Variants in XKR4 observed in about 807,000 individuals in gnomAD.
XKR4 encodes the protein XK related 4, also known as XK-related protein 4.
Under a neutral mutation model 53.9 loss-of-function variants are expected in XKR4, and 12 were observed. The ratio of observed to expected loss-of-function variants is 0.22; its 90% CI spans 0.14 to 0.36. The LOEUF is 0.36. Ranked by LOEUF, XKR4 falls within the 10% of genes least tolerant of loss-of-function variation. The probability of loss-of-function intolerance (pLI) is 1.00; values close to 1 mark genes in which losing one functional copy is unlikely to be tolerated. For missense variants in XKR4, 799 were observed against 859.5 expected, an observed-to-expected ratio of 0.93 and a Z score of 0.88; for synonymous variants, 354 against 362.4, an observed-to-expected ratio of 0.98 and a Z score of 0.26.
chr8:55,429,746 A>C (rs771391923), intron 2 of XKR4, among the ~76,000 whole-genome samples: 2 of 150,854 alleles, frequency 1.3e-5, no homozygotes, highest in Non-Finnish European at 2.9e-5. Flanking sequence ...AAAAAAAAAG[A>C]AAAGAAAAAG....
At chr8:55,141,092 ACT>A (rs1477271909) in intron 1 of XKR4, among the ~76,000 whole-genome samples, 1 of 152,050 alleles carries the variant, frequency 6.6e-6, no homozygotes, top group African/African-American at 2.4e-5. Context: ...CACAGAAGAA[ACT>A]CTGTACCCAT....
At chr8:55,396,326 G>T (rs1804516772) in intron 2 of XKR4, among the ~76,000 whole-genome samples, 2 of 151,622 alleles carry the variant, frequency 1.3e-5, no homozygotes, top group Non-Finnish European at 2.9e-5. Context: ...ACCTGGACTG[G>T]GTAGATGCCC....
At chr8:55,423,063 C>G (rs1804959305) in intron 2 of XKR4, among the ~76,000 whole-genome samples, 1 of 151,894 alleles carries the variant, frequency 6.6e-6, no homozygotes. Flanking sequence ...AACAACAACA[C>G]ACATCTTGAA....
chr8:55,450,242 G>A lies in XKR4; in HGVS notation c.1007-73039G>A, dbSNP rs1007967987. 1.1e-5 allele frequency: 7 copies of A among 653,594 alleles called. No homozygotes were observed. The African/African-American group carries it at 1.1e-4, about 10-fold the overall frequency. 40.5% of individuals were successfully genotyped at this position (653,594 alleles called of 1,614,324 possible). ...CTCTGGGGAGCGCCTCCGTCAAACC[G>A]TTCTTCCTCAGGGGCTCAGGGGGTT... On this transcript the variant is annotated intron_variant, in intron 2 of 2. Transcript: ENST00000327381.
At chr8:55,423,375 G>A (rs945218192) in intron 2 of XKR4, among the ~76,000 whole-genome samples, 2 of 152,078 alleles carry the variant, frequency 1.3e-5, no homozygotes, top group African/African-American at 2.4e-5. Context: ...GATTATAGGC[G>A]TGAGCCACCG....
chr8:55,359,410 A>T (rs1489477060), intron 2 of XKR4, among the ~76,000 whole-genome samples: 1 of 152,248 alleles, frequency 6.6e-6, no homozygotes, highest in Non-Finnish European at 1.5e-5. Context: ...CTTTGAATCA[A>T]TGAATTCCCA....
chr8:55,299,848 C>G (rs1452147013), intron 1 of XKR4, among the ~76,000 whole-genome samples: 1 of 152,048 alleles, frequency 6.6e-6, no homozygotes, highest in African/African-American at 2.4e-5. Flanking sequence ...CATTCGAGGT[C>G]TCTGTGGGAC....
At chr8:55,106,467 T>C (rs1226024561) in intron 1 of XKR4, among the ~76,000 whole-genome samples, 1 of 152,188 alleles carries the variant, frequency 6.6e-6, no homozygotes, top group Admixed American at 6.5e-5. Flanking sequence ...AGAGCAATTA[T>C]GACTTTAAAG....
At position 55,114,994 on chromosome 8, in the gene XKR4, C is replaced by T. The variant is rs987910805; in HGVS notation, c.806+11700C>T. On this transcript the variant is annotated intron_variant, in intron 1 of 2. Coordinates refer to ENST00000327381, the MANE Select transcript of XKR4 (RefSeq NM_052898.2). ...CCCCCTAAATCTCTTTGTGATGATG[C>T]GCCAAGGACAGAGCTGTGGGCTTGT... Among the ~76,000 whole-genome samples the T allele has an allele frequency of 3.9e-5, 6 of 152,142 alleles. No individual in the cohort carries two copies. In the South Asian group the frequency reaches 6.2e-4, roughly 16 times the overall value.
Position 55,224,813 on chromosome 8 carries a change from T to C in XKR4, c.806+121519T>C, listed in dbSNP as rs1479626100. On this transcript the variant is annotated intron_variant, in intron 1 of 2. Coordinates refer to ENST00000327381, the MANE Select transcript of XKR4 (RefSeq NM_052898.2). Reference sequence around the variant, plus strand: ...GGTAAACATTTTGGAAAATGCTAGATTATATTATCTAAATGTTGCTTTATG... The same window carrying C: ...GGTAAACATTTTGGAAAATGCTAGACTATATTATCTAAATGTTGCTTTATG... Among the ~76,000 whole-genome samples, 4 of 152,210 alleles carry C rather than the reference T, an allele frequency of 2.6e-5. No homozygotes were observed. In the East Asian group the frequency reaches 7.7e-4, roughly 29 times the overall value.
chr8:55,254,167 G>C (rs1818402739), intron 1 of XKR4, among the ~76,000 whole-genome samples: 1 of 151,916 alleles, frequency 6.6e-6, no homozygotes, highest in African/African-American at 2.4e-5. Flanking sequence ...TTCTTATGTT[G>C]TGTCAAAAAG....
intron 1 of XKR4, chr8:55,142,284 G>A: frequency 2.3e-6 from 1 of 435,092 alleles, no homozygotes; most frequent in Non-Finnish European, 4.6e-6. Flanking sequence ...TCCTGGATAA[G>A]GAAAGGGTAT....
intron 2 of XKR4, among the ~76,000 whole-genome samples, chr8:55,358,139 T>C (rs1467761021): frequency 6.6e-6 from 1 of 152,202 alleles, no homozygotes. Flanking sequence ...ACTTGGTCGA[T>C]GTGGGGATAG....
chr8:55,345,595 G>A (rs1383947870), intron 1 of XKR4, among the ~76,000 whole-genome samples: 1 of 152,180 alleles, frequency 6.6e-6, no homozygotes, highest in African/African-American at 2.4e-5. Flanking sequence ...AAATTAAAGT[G>A]TGCTTAAAAA....
chr8:55,452,317 G>A lies in XKR4; in HGVS notation c.1007-70964G>A, dbSNP rs75978126. 2,121 of 640,528 alleles carry A rather than the reference G, an allele frequency of 3.3e-3. 30 individuals carry two copies. In the African/African-American group the frequency reaches 0.036, roughly 11 times the overall value. 39.7% of individuals were successfully genotyped at this position (640,528 alleles called of 1,614,324 possible). Reference sequence around the variant, plus strand: ...TTCTCCTTGGTCAGCGCGGCCACCGGGAAGGAGCGGAACACCACCTTCTCC... The same window carrying A: ...TTCTCCTTGGTCAGCGCGGCCACCGAGAAGGAGCGGAACACCACCTTCTCC... On this transcript the variant is annotated intron_variant, in intron 2 of 2. Transcript: ENST00000327381.
At chr8:55,414,610 TCCAGC>T (rs1317493713) in intron 2 of XKR4, among the ~76,000 whole-genome samples, 1 of 151,432 alleles carries the variant, frequency 6.6e-6, no homozygotes, top group African/African-American at 2.4e-5. Context: ...TCTATTTAAG[TCCAGC>T]CCACAACTAA....
chr8:55,396,311 T>G, intron 2 of XKR4, among the ~76,000 whole-genome samples: 1 of 151,956 alleles, frequency 6.6e-6, no homozygotes, highest in East Asian at 1.9e-4. Flanking sequence ...TTTCACTTCT[T>G]TATCACCTGG....
intron 1 of XKR4, among the ~76,000 whole-genome samples, chr8:55,312,369 C>A (rs1819401364): frequency 6.6e-6 from 1 of 152,036 alleles, no homozygotes; most frequent in Non-Finnish European, 1.5e-5. Flanking sequence ...GGAATGAGAA[C>A]TTTAAGTAAT....
At chr8:55,366,489 C>A (rs1000652821) in intron 2 of XKR4, among the ~76,000 whole-genome samples, 3 of 152,188 alleles carry the variant, frequency 2.0e-5, no homozygotes, top group African/African-American at 4.8e-5. Flanking sequence ...TCCTTAAATG[C>A]GTGACCACAG....
Sources: allele counts gnomAD v4.1 joint callset (sites outside exome capture counted in the v4.1 genomes callset), GRCh38; gene constraint gnomAD v4.1.1; transcripts MANE v1.5; gene names NCBI Gene and HGNC (gene_info 2026-07-23, HGNC 2026-07-21).